DYNLL1: variants seen among roughly 807,000 people sequenced by gnomAD.
The protein encoded by DYNLL1 is dynein light chain LC8-type 1.
Under a neutral mutation model 10.1 loss-of-function variants are expected in DYNLL1, and 3 were observed. The observed-to-expected ratio is 0.30, with a 90% CI of 0.14 to 0.77. The LOEUF is 0.77. Ranked by LOEUF, DYNLL1 falls within the 30% of genes least tolerant of loss-of-function variation. DYNLL1 has a pLI of 0.66. For missense variants in DYNLL1, 47 were observed against 111.7 expected, an observed-to-expected ratio of 0.42 and a Z score of 2.61; for synonymous variants, 46 against 41.2, an observed-to-expected ratio of 1.12 and a Z score of -0.45.
intron 1 of DYNLL1, among the ~76,000 whole-genome samples, chr12:120,476,927 G>GT (rs1220920701): frequency 4.8e-4 from 69 of 143,046 alleles, no homozygotes; most frequent in South Asian, 2.9e-3. Context: ...TTTTTGTTTT[G>GT]TTTTTTTTGT....
chr12:120,476,610 G>T lies in DYNLL1; in HGVS notation c.-7+6506G>T, dbSNP rs1049339280. Among the ~76,000 whole-genome samples the T allele has an allele frequency of 4.6e-5, 7 of 152,150 alleles. No individual in the cohort carries two copies. The South Asian group carries it at 6.2e-4, about 14-fold the overall frequency. ...TAGAAGGACAGCGGATGTTTGGGGG[G>T]TTTTTTTGTTTGTTTTTTGAGACAG... On this transcript the variant is annotated intron_variant, in intron 1 of 2. Transcript: ENST00000392509.
At chr12:120,487,399 C>A (rs1437893039) in intron 1 of DYNLL1, among the ~76,000 whole-genome samples, 1 of 143,332 alleles carries the variant, frequency 7.0e-6, no homozygotes, top group Admixed American at 7.4e-5. Flanking sequence ...TGGGTTCACA[C>A]CATTCTCCTG....
Position 120,481,373 on chromosome 12 carries a change from C to T in DYNLL1, c.-7+11269C>T, listed in dbSNP as rs369846144. Among the ~76,000 whole-genome samples the T allele has an allele frequency of 9.2e-4, 140 of 152,326 alleles. 2 individuals are homozygous for T. The South Asian group carries it at 0.027, about 30-fold the overall frequency. On this transcript the variant is annotated intron_variant, in intron 1 of 2. Coordinates refer to the DYNLL1 transcript ENST00000392509. ...ACTGAGTCCCACAAGACCGCCCCCA[C>T]TTTAGATGCCTGCACAAATGAGGTG... is the stretch of plus-strand genomic sequence containing the variant.
chr12:120,471,526 C>A (rs1878650950), intron 1 of DYNLL1, among the ~76,000 whole-genome samples: 2 of 152,106 alleles, frequency 1.3e-5, no homozygotes, highest in Non-Finnish European at 2.9e-5. Context: ...GAGTGTATAT[C>A]TTTTTTGGAA....
At chr12:120,471,401 CA>C (rs1463164109) in intron 1 of DYNLL1, among the ~76,000 whole-genome samples, 1 of 151,542 alleles carries the variant, frequency 6.6e-6, no homozygotes. Context: ...CAAAAACAAA[CA>C]AAAAAAGGGA....
chr12:120,476,848 GTGGTCCGCCCGCC>G (rs1878764160), intron 1 of DYNLL1, among the ~76,000 whole-genome samples: 1 of 152,110 alleles, frequency 6.6e-6, no homozygotes, highest in Non-Finnish European at 1.5e-5. Flanking sequence ...CCAACCTCAG[GTGGTCCGCCCGCC>G]TTGGCCTCCC....
At chr12:120,490,656 C>T (rs1879103739) in intron 1 of DYNLL1, 1 of 152,202 alleles carries the variant, frequency 6.6e-6, no homozygotes, top group South Asian at 2.1e-4. Flanking sequence ...TGATTTCACC[C>T]TCCAGAAGAC....
chr12:120,471,389 A>T (rs983992275), intron 1 of DYNLL1, among the ~76,000 whole-genome samples: 1 of 152,074 alleles, frequency 6.6e-6, no homozygotes, highest in African/African-American at 2.4e-5. Context: ...AACAAGACAA[A>T]ACAAAAACAA....
At chr12:120,470,541 ACT>A (rs1878623943) in intron 1 of DYNLL1, among the ~76,000 whole-genome samples, 1 of 152,014 alleles carries the variant, frequency 6.6e-6, no homozygotes, top group African/African-American at 2.4e-5. Flanking sequence ...AACACGGCTC[ACT>A]GCAGTCTCGA....
At chr12:120,496,605 C>T in intron 2 of DYNLL1, 52 bp downstream of exon 2, 1 of 1,613,572 alleles carries the variant, frequency 6.2e-7, no homozygotes, top group South Asian at 1.1e-5. Context: ...GGGTTCCTTC[C>T]CCCCGATCCT....
chr12:120,478,151 C>T lies in DYNLL1; in HGVS notation c.-7+8047C>T, dbSNP rs536268242. ...GAGAAGGAGTTTCACTCTTGTTGCCCAGGCTAGAGTGCAATGGCACAATCT... is the reference window on the plus strand; with the variant it reads ...GAGAAGGAGTTTCACTCTTGTTGCCTAGGCTAGAGTGCAATGGCACAATCT... On this transcript the variant is annotated intron_variant, in intron 1 of 2. Transcript: ENST00000392509. Among the ~76,000 whole-genome samples the T allele has an allele frequency of 3.3e-5, 5 of 151,464 alleles. No individual in the cohort carries two copies. In the South Asian group the frequency reaches 1.0e-3, roughly 32 times the overall value.
At chr12:120,473,692 C>CAA (rs1227211097) in intron 1 of DYNLL1, among the ~76,000 whole-genome samples, 3,434 of 75,214 alleles carry the variant, frequency 0.046, 116 homozygotes, top group South Asian at 0.087. Context: ...GACTCTGTCT[C>CAA]AAAAAAAAAA....
chr12:120,496,726 C>G (rs1593008235), intron 2 of DYNLL1, 173 bp downstream of exon 2: 1 of 946,660 alleles, frequency 1.1e-6, no homozygotes, highest in East Asian at 2.7e-5. Flanking sequence ...GAAGACCAGA[C>G]CCCCGGCGTC....
intron 1 of DYNLL1, among the ~76,000 whole-genome samples, chr12:120,486,782 T>C (rs976937696): frequency 3.3e-5 from 5 of 151,998 alleles, no homozygotes; most frequent in African/African-American, 1.2e-4. Flanking sequence ...TGCAAACAGA[T>C]GTTTAAAATG....
In DYNLL1 at chr12:120,496,417, T is replaced by TA; in HGVS notation, c.-3dup. The TA allele has an allele frequency of 6.2e-7, 1 of 1,613,874 alleles. No homozygotes were observed. Among genetic ancestry groups the TA allele is most frequent in the Non-Finnish European group, 8.5e-7 (1 of 1,180,000 alleles). ...CTTACCCCAGGCCTTGCCCACTAGG[T>TA]AACCATGTGCGACCGAAAGGCCGTG... is the stretch of plus-strand genomic sequence containing the variant. On this transcript the variant is annotated splice_region_variant and 5_prime_UTR_variant, in exon 2 of 3. Transcript: ENST00000242577.
At chr12:120,496,107 C>A (rs530243574), upstream of DYNLL1, 2 of 464,794 alleles carry the variant, frequency 4.3e-6, no homozygotes, top group Non-Finnish European at 7.8e-6. Flanking sequence ...TGGCGTGGGG[C>A]TGCTTAGATG....
At chr12:120,492,392 A>G (rs1290338314), upstream of DYNLL1, among the ~76,000 whole-genome samples, 1 of 152,068 alleles carries the variant, frequency 6.6e-6, no homozygotes, top group Non-Finnish European at 1.5e-5. The surrounding 1 kb of genome is among the most constrained non-coding windows in gnomAD (Gnocchi z 4.1). Flanking sequence ...ACATGGTGAA[A>G]CCCTGTCTCT....
chr12:120,487,686 T>C (rs1464527547), intron 1 of DYNLL1, among the ~76,000 whole-genome samples: 3 of 152,086 alleles, frequency 2.0e-5, no homozygotes, highest in Admixed American at 6.6e-5. Context: ...AGCAGGGATA[T>C]AGAGGCAGGA....
chr12:120,492,566 C>CA (rs1370241254), upstream of DYNLL1, among the ~76,000 whole-genome samples: 12 of 151,338 alleles, frequency 7.9e-5, no homozygotes, highest in African/African-American at 1.5e-4. This position sits in a 1 kb window ranked among gnomAD's most constrained non-coding sequence, Gnocchi z 4.1. Context: ...GAGTCCGTCT[C>CA]AAAAAAAATA....
Sources: allele counts gnomAD v4.1 joint callset (sites outside exome capture counted in the v4.1 genomes callset), GRCh38; gene constraint gnomAD v4.1.1; non-coding constraint Gnocchi (gnomAD v3.1); transcripts MANE v1.5; gene names NCBI Gene and HGNC (gene_info 2026-07-23, HGNC 2026-07-21).